Variants in TPRG1 observed in about 807,000 individuals in gnomAD.
The protein encoded by TPRG1 is tumor protein p63-regulated gene 1 protein.
In TPRG1, 29 loss-of-function variants were observed where a neutral mutation model predicts 29.3. That is an observed-to-expected ratio of 0.99 (90% CI 0.74 to 1.35). TPRG1 has a LOEUF of 1.35. Ranked by LOEUF, TPRG1 falls within the 40% of genes most tolerant of loss-of-function variation. TPRG1 has a pLI of 0.00. For missense variants in TPRG1, 327 were observed against 335.0 expected, an observed-to-expected ratio of 0.98 and a Z score of 0.19; for synonymous variants, 130 against 116.8, an observed-to-expected ratio of 1.11 and a Z score of -0.73.
Position 189,303,833 on chromosome 3 carries a change from T to C in TPRG1, c.480-6553T>C, listed in dbSNP as rs367917327. Among the ~76,000 whole-genome samples the C allele has an allele frequency of 5.9e-5, 9 of 152,334 alleles. No individual in the cohort carries two copies. In the East Asian group the frequency reaches 1.7e-3, roughly 29 times the overall value. On this transcript the variant is annotated intron_variant, in intron 4 of 5. Coordinates refer to ENST00000345063, the MANE Select transcript of TPRG1 (RefSeq NM_198485.4). Reference sequence around the variant, plus strand: ...AACTTTGTCTTCCTCTCTTCAGCCATGAACATGACCACCTCTAGGACAAGC... The same window carrying C: ...AACTTTGTCTTCCTCTCTTCAGCCACGAACATGACCACCTCTAGGACAAGC...
chr3:189,007,530 A>G (rs1305126257), intron 3 of TPRG1, among the ~76,000 whole-genome samples: 2 of 151,760 alleles, frequency 1.3e-5, no homozygotes, highest in Admixed American at 6.6e-5. Context: ...CATTTGACCC[A>G]GCCATCCCAT....
chr3:189,315,276 AATT>A (rs1723304619), intron 5 of TPRG1, among the ~76,000 whole-genome samples: 1 of 128,620 alleles, frequency 7.8e-6, no homozygotes, highest in Non-Finnish European at 1.7e-5. Flanking sequence ...AGCCTGAAAG[AATT>A]GTGTGTGTGT....
Position 189,289,946 on chromosome 3 carries a change from A to G in TPRG1, c.480-20440A>G, listed in dbSNP as rs568043686. Reference sequence around the variant, plus strand: ...TCTACCTGAAGCCTAAATTTAATCAATTAAATGGTGTACATTTTCAGATAT... The same window carrying G: ...TCTACCTGAAGCCTAAATTTAATCAGTTAAATGGTGTACATTTTCAGATAT... On this transcript the variant is annotated intron_variant, in intron 4 of 5. Transcript: ENST00000345063. Among the ~76,000 whole-genome samples the G allele has an allele frequency of 4.0e-4, 61 of 152,360 alleles. 2 individuals carry two copies. The South Asian group carries it at 0.012, about 31-fold the overall frequency.
At chr3:189,291,629 A>C (rs1719016767) in intron 4 of TPRG1, among the ~76,000 whole-genome samples, 1 of 152,226 alleles carries the variant, frequency 6.6e-6, no homozygotes, top group African/African-American at 2.4e-5. Context: ...CTAAAGAAGT[A>C]GTATTGTTAT....
intron 3 of TPRG1, among the ~76,000 whole-genome samples, chr3:189,006,365 T>G (rs954824318): frequency 6.6e-6 from 1 of 152,002 alleles, no homozygotes; most frequent in African/African-American, 2.4e-5. Context: ...CATAACACAA[T>G]AGTGTGGAAA....
intron 5 of TPRG1, among the ~76,000 whole-genome samples, chr3:189,157,131 G>A (rs1407683441): frequency 6.6e-6 from 1 of 152,170 alleles, no homozygotes; most frequent in Non-Finnish European, 1.5e-5. Context: ...GAGTGCTACA[G>A]CCAATGTTTT....
rs969854518 is a variant in TPRG1, at chr3:189,321,555, C to T, written c.*735C>T. 2.0e-5 allele frequency: 3 copies of T among 151,958 alleles called. No individual in the cohort carries two copies. The East Asian group carries it at 5.8e-4, about 29-fold the overall frequency. The allele number at this position is 151,958 out of a possible 1,614,324, so 9.4% of individuals were successfully genotyped here. A position where few individuals can be genotyped will look rare whatever the true frequency, so the allele number is the denominator to read the frequency against. Reference sequence around the variant, plus strand: ...TCTTATCAAAATTGTTCATGTATTCCTCCTTTCCATTCTTATAGCTGTATT... The same window carrying T: ...TCTTATCAAAATTGTTCATGTATTCTTCCTTTCCATTCTTATAGCTGTATT... On this transcript the variant is annotated 3_prime_UTR_variant, in exon 6 of 6. Coordinates refer to ENST00000345063, the MANE Select transcript of TPRG1 (RefSeq NM_198485.4).
At chr3:189,206,322 T>C (rs1408387644) in intron 1 of TPRG1, among the ~76,000 whole-genome samples, 1 of 151,976 alleles carries the variant, frequency 6.6e-6, no homozygotes, top group Non-Finnish European at 1.5e-5. Context: ...ATATTTTATT[T>C]AGTCAACTTC....
intron 5 of TPRG1, among the ~76,000 whole-genome samples, chr3:189,314,171 G>A (rs1028696827): frequency 6.6e-6 from 1 of 152,152 alleles, no homozygotes; most frequent in Non-Finnish European, 1.5e-5. Flanking sequence ...TAGGTTTGGG[G>A]ACTCAGCTTA....
At chr3:189,012,456 C>T (rs1181210700) in intron 3 of TPRG1, among the ~76,000 whole-genome samples, 1 of 152,162 alleles carries the variant, frequency 6.6e-6, no homozygotes, top group Non-Finnish European at 1.5e-5. Flanking sequence ...ACGAGTCTTG[C>T]ATCCCAGGGA....
intron 4 of TPRG1, among the ~76,000 whole-genome samples, chr3:189,309,200 T>A (rs1418177546): frequency 6.6e-6 from 1 of 152,282 alleles, no homozygotes; most frequent in East Asian, 1.9e-4. Context: ...TTTTTTTACT[T>A]TCCTTTTGTG....
chr3:189,221,154 C>T (rs140603791), intron 3 of TPRG1, among the ~76,000 whole-genome samples: 23 of 152,298 alleles, frequency 1.5e-4, no homozygotes, highest in African/African-American at 4.8e-4. Context: ...CTATATGAAG[C>T]ATCCCCATTT....
chr3:189,063,236 A>G (rs764056473), intron 4 of TPRG1, among the ~76,000 whole-genome samples: 14 of 152,232 alleles, frequency 9.2e-5, no homozygotes, highest in Admixed American at 4.6e-4. Context: ...ACACCAAAAA[A>G]CAGAGCTTCA....
intron 4 of TPRG1, among the ~76,000 whole-genome samples, chr3:189,052,387 T>A (rs904829262): frequency 6.6e-6 from 1 of 152,092 alleles, no homozygotes; most frequent in Non-Finnish European, 1.5e-5. Flanking sequence ...AAAACTACAA[T>A]GAGATACCAC....
chr3:189,161,543 A>G (rs554018552), intron 5 of TPRG1, among the ~76,000 whole-genome samples: 38 of 152,246 alleles, frequency 2.5e-4, no homozygotes, highest in Non-Finnish European at 4.0e-4. Flanking sequence ...CAAAAACTAT[A>G]CAAAATATAC....
Position 189,026,079 on chromosome 3 carries a change from G to A in TPRG1, c.-463+2133G>A, listed in dbSNP as rs563342927. On this transcript the variant is annotated intron_variant, in intron 4 of 10. Transcript: ENST00000433971. ...TGAGGGAGAGTGTATTAGTTAGCTCGAGCTGCCACAACAAAATGCCACAGA... is the reference window on the plus strand; with the variant it reads ...TGAGGGAGAGTGTATTAGTTAGCTCAAGCTGCCACAACAAAATGCCACAGA... Among the ~76,000 whole-genome samples, 9 of 152,244 alleles carry A rather than the reference G, an allele frequency of 5.9e-5. 1 individual carries two copies. In the Middle Eastern group the frequency reaches 0.01, roughly 173 times the overall value.
chr3:189,230,689 A>G (rs1280774213), intron 3 of TPRG1, among the ~76,000 whole-genome samples: 2 of 152,006 alleles, frequency 1.3e-5, no homozygotes, highest in Non-Finnish European at 2.9e-5. Flanking sequence ...CCCCTCCTAG[A>G]ATGTAAGCGC....
intron 3 of TPRG1, among the ~76,000 whole-genome samples, chr3:189,140,707 A>G (rs1724431109): frequency 6.6e-6 from 1 of 152,206 alleles, no homozygotes; most frequent in Non-Finnish European, 1.5e-5. Flanking sequence ...TGGGTCATAT[A>G]GAAAAGCCTA....
At chr3:189,261,551 C>G (rs771568030) in intron 4 of TPRG1, among the ~76,000 whole-genome samples, 30 of 152,154 alleles carry the variant, frequency 2.0e-4, no homozygotes, top group Non-Finnish European at 4.1e-4. Context: ...CCTTCCTAGG[C>G]TTGGCCATGT....
Sources: gnomAD v4.1 joint callset for allele counts (sites outside exome capture counted in the v4.1 genomes callset) on GRCh38, gnomAD v4.1.1 for gene constraint, MANE v1.5 for transcripts, NCBI Gene and HGNC (gene_info 2026-07-23, HGNC 2026-07-21) for gene names.